The following MBOAT2 variants were observed in gnomAD, a reference collection of about 807,000 sequenced individuals.
The protein encoded by MBOAT2 is membrane-bound glycerophospholipid O-acyltransferase 2.
MBOAT2 carries 28 observed loss-of-function variants against 63.4 expected under a neutral mutation model. The observed-to-expected ratio is 0.44, with a 90% CI of 0.33 to 0.61. The LOEUF (loss-of-function observed/expected upper bound fraction) is 0.61, where lower values mean the gene tolerates loss of function less well. MBOAT2 is among the 20% of genes least tolerant of loss of function. MBOAT2 has a pLI of 0.03. For missense variants in MBOAT2, 470 were observed against 605.8 expected, an observed-to-expected ratio of 0.78 and a Z score of 2.35; for synonymous variants, 211 against 215.6, an observed-to-expected ratio of 0.98 and a Z score of 0.19.
At chr2:8,931,750 G>A (rs573025963) in intron 3 of MBOAT2, among the ~76,000 whole-genome samples, 1 of 152,160 alleles carries the variant, frequency 6.6e-6, no homozygotes, top group East Asian at 1.9e-4. Context: ...TCCATCTTCA[G>A]TTAATTTTTG....
At chr2:8,993,719 G>T (rs200585099) in intron 1 of MBOAT2, among the ~76,000 whole-genome samples, 1 of 152,138 alleles carries the variant, frequency 6.6e-6, no homozygotes, top group East Asian at 1.9e-4. Flanking sequence ...GAGCTGCGGT[G>T]TTTTATGTCT....
rs567753744 is a variant in MBOAT2, at chr2:8,994,240, C to CA, written c.75+9299dup. Among the ~76,000 whole-genome samples the CA allele has an allele frequency of 2.5e-3, 378 of 148,396 alleles. 2 individuals carry two copies. Among genetic ancestry groups the CA allele is most frequent in the African/African-American group, 5.7e-3 (230 of 40,486 alleles). On this transcript the variant is annotated intron_variant, in intron 1 of 12. Coordinates refer to ENST00000305997, the MANE Select transcript of MBOAT2 (RefSeq NM_138799.4). ...TTGGGAGGGAGACTTGTAAAGCAAA[C>CA]AAAAAAAAAATCAATGCTCCAGGTG...
intron 3 of MBOAT2, among the ~76,000 whole-genome samples, chr2:8,915,391 T>C (rs1487856034): frequency 6.6e-6 from 1 of 152,184 alleles, no homozygotes; most frequent in East Asian, 1.9e-4. Context: ...ATGGCTGCTG[T>C]AGCAGCCATC....
At chr2:8,972,696 A>C (rs1359475352) in intron 1 of MBOAT2, among the ~76,000 whole-genome samples, 4 of 152,192 alleles carry the variant, frequency 2.6e-5, no homozygotes, top group African/African-American at 4.8e-5. Flanking sequence ...ACCCCATCAA[A>C]AAGTGGGCGA....
At chr2:8,906,566 C>T (rs1665349526) in intron 4 of MBOAT2, among the ~76,000 whole-genome samples, 1 of 152,214 alleles carries the variant, frequency 6.6e-6, no homozygotes, top group South Asian at 2.1e-4. Context: ...GAGAAATAAA[C>T]TCTTATTACG....
chr2:8,929,365 CATTT>C (rs768768353), intron 3 of MBOAT2, among the ~76,000 whole-genome samples: 30 of 148,906 alleles, frequency 2.0e-4, no homozygotes, highest in South Asian at 4.2e-4. Context: ...TTCATTCATT[CATTT>C]GAGAAAGGGT....
At chr2:8,873,328 A>C in intron 7 of MBOAT2, 28 bp from the exon 8 acceptor site, 1 of 1,599,986 alleles carries the variant, frequency 6.3e-7, no homozygotes, top group Non-Finnish European at 8.5e-7. Flanking sequence ...AGACTTCATC[A>C]ACTTTATCCA....
At chr2:8,865,239 C>A (rs1481113721) in intron 9 of MBOAT2, among the ~76,000 whole-genome samples, 3 of 152,070 alleles carry the variant, frequency 2.0e-5, no homozygotes. Context: ...TAAGTGTCAG[C>A]AATTTCGCAT....
At chr2:8,985,374 T>C (rs1388848479) in intron 1 of MBOAT2, among the ~76,000 whole-genome samples, 2 of 152,318 alleles carry the variant, frequency 1.3e-5, no homozygotes, top group East Asian at 3.9e-4. Context: ...TGGAATTCTT[T>C]AAAGATAAAA....
intron 2 of MBOAT2, among the ~76,000 whole-genome samples, chr2:8,953,094 T>C (rs1668959136): frequency 6.6e-6 from 1 of 152,212 alleles, no homozygotes; most frequent in African/African-American, 2.4e-5. Flanking sequence ...TTGTTTTTTG[T>C]GGTAGCAGGT....
chr2:9,003,585 G>C lies in MBOAT2; in HGVS notation c.30C>G (p.Thr10=). ...CGGCGTTGCTGAGGGGCTGCAGCAG[G>C]GTGGAGCCCGTGGTGCTGGTGGTGG... MATTSTTGS[T]LLQPLSNAVQ... The change falls in exon 1 of 13, where the codon ACC becomes ACG. Residue 10 remains threonine (T), a synonymous_variant. Coordinates refer to ENST00000305997, the MANE Select transcript of MBOAT2 (RefSeq NM_138799.4). This position sits in a 1 kb window ranked among gnomAD's most constrained non-coding sequence, Gnocchi z 5.4. The C allele has an allele frequency of 8.2e-7, 1 of 1,225,704 alleles. No individual in the cohort carries two copies. Among genetic ancestry groups the C allele is most frequent in the Non-Finnish European group, 1.0e-6 (1 of 977,592 alleles). 75.9% of individuals were successfully genotyped at this position (1,225,704 alleles called of 1,614,324 possible). A position where few individuals can be genotyped will look rare whatever the true frequency, so the allele number is the denominator to read the frequency against.
intron 3 of MBOAT2, among the ~76,000 whole-genome samples, chr2:8,936,941 T>G (rs1352078734): frequency 6.6e-6 from 1 of 152,196 alleles, no homozygotes; most frequent in African/African-American, 2.4e-5. Context: ...CACGCCACAT[T>G]GTGCTGCCTT....
At chr2:8,938,311 T>C (rs1299517877) in intron 3 of MBOAT2, among the ~76,000 whole-genome samples, 2 of 152,108 alleles carry the variant, frequency 1.3e-5, no homozygotes, top group African/African-American at 4.8e-5. Context: ...TGGGAAAGCA[T>C]GCCTTGAGAT....
intron 3 of MBOAT2, among the ~76,000 whole-genome samples, chr2:8,924,515 C>T (rs10184093): frequency 0.019 from 2,882 of 152,190 alleles, 34 homozygotes; most frequent in Middle Eastern, 0.037. Flanking sequence ...AAATAAAAAT[C>T]GTGAGGGATT....
intron 1 of MBOAT2, among the ~76,000 whole-genome samples, chr2:8,967,068 A>AAT (rs1271410009): frequency 5.3e-5 from 8 of 152,212 alleles, no homozygotes; most frequent in Non-Finnish European, 1.2e-4. Context: ...AATTCAGAGG[A>AAT]ATATATATAC....
In MBOAT2 at chr2:8,862,992, T is replaced by C. The variant is rs1357312401; in HGVS notation, c.1053-270A>G. ...TAGTAACTTAAATGATCATTTCTAG[T>C]ATTTGGGAGTCTATACAATTTACAA... On this transcript the variant is annotated intron_variant, in intron 10 of 12. Coordinates refer to ENST00000305997, the MANE Select transcript of MBOAT2 (RefSeq NM_138799.4). The surrounding 1 kb of genome is among the most constrained non-coding windows in gnomAD (Gnocchi z 4.3). Among the ~76,000 whole-genome samples the C allele has an allele frequency of 6.6e-6, 1 of 152,150 alleles. No individual in the cohort carries two copies. The highest frequency in any genetic ancestry group is 6.5e-5 in the Admixed American group (1 of 15,274).
chr2:8,985,974 G>A (rs1041328399), intron 1 of MBOAT2, among the ~76,000 whole-genome samples: 8 of 152,144 alleles, frequency 5.3e-5, no homozygotes, highest in African/African-American at 1.9e-4. Context: ...ACTTTACAGT[G>A]GAGAAATCTG....
At chr2:8,912,364 A>AGG (rs1665820629) in intron 3 of MBOAT2, among the ~76,000 whole-genome samples, 2 of 88,920 alleles carry the variant, frequency 2.2e-5, no homozygotes, top group Non-Finnish European at 4.6e-5. Context: ...AAAGAAAGAA[A>AGG]GAAAGAAAGA....
At position 8,901,180 on chromosome 2, in the gene MBOAT2, T is replaced by C. The variant is rs545451441; in HGVS notation, c.395+7441A>G. ...GGTCCCTGGACCCTGCTGATTGGAA[T>C]AGTTGCGCTCACCGATGCAGCAGCA... is the stretch of plus-strand genomic sequence containing the variant. On this transcript the variant is annotated intron_variant, in intron 4 of 12. Transcript: ENST00000305997. 2.2e-4 allele frequency among the ~76,000 whole-genome samples: 33 copies of C among 151,590 alleles called. No individual in the cohort carries two copies. The South Asian group carries it at 5.7e-3, about 26-fold the overall frequency.
Sources: gnomAD v4.1 joint callset for allele counts (sites outside exome capture counted in the v4.1 genomes callset) on GRCh38, gnomAD v4.1.1 for gene constraint, Gnocchi (gnomAD v3.1) non-coding constraint, MANE v1.5 for transcripts, NCBI Gene and HGNC (gene_info 2026-07-23, HGNC 2026-07-21) for gene names.